The following CDK19 variants were observed in gnomAD, a reference collection of about 807,000 sequenced individuals.
CDK19 encodes cyclin-dependent kinase 19.
A neutral mutation model predicts 68.3 loss-of-function variants in CDK19; 20 were observed. The ratio of observed to expected loss-of-function variants is 0.29; its 90% CI spans 0.21 to 0.43. The LOEUF (loss-of-function observed/expected upper bound fraction) is 0.43, where lower values mean the gene tolerates loss of function less well. Ranked by LOEUF, CDK19 falls within the 20% of genes least tolerant of loss-of-function variation. The pLI, the probability that CDK19 is intolerant of heterozygous loss-of-function variation, is 1.00. For missense variants in CDK19, 339 were observed against 623.5 expected (o/e 0.54, Z 4.86); for synonymous variants, 221 against 222.8 (o/e 0.99, Z 0.07).
chr6:110,791,416 A>G (rs1019248703), intron 1 of CDK19, among the ~76,000 whole-genome samples: 9 of 152,076 alleles, frequency 5.9e-5, no homozygotes, highest in African/African-American at 2.2e-4. Context: ...AATGGTATAG[A>G]TTTTCTTTAG....
chr6:110,772,133 T>C (rs978162976), intron 1 of CDK19, among the ~76,000 whole-genome samples: 9 of 152,256 alleles, frequency 5.9e-5, no homozygotes, highest in East Asian at 1.9e-4. Context: ...CAACTTACTA[T>C]ATTAGTCCGT....
At chr6:110,704,495 G>C (rs1046339118) in intron 2 of CDK19, among the ~76,000 whole-genome samples, 3 of 151,790 alleles carry the variant, frequency 2.0e-5, no homozygotes, top group African/African-American at 7.3e-5. Flanking sequence ...TACTCTTAAT[G>C]ATCTCTCACT....
chr6:110,717,184 TA>T (rs1250499410), intron 2 of CDK19, among the ~76,000 whole-genome samples: 6 of 151,890 alleles, frequency 4.0e-5, no homozygotes, highest in Admixed American at 1.3e-4. Context: ...TGGCTTGCTT[TA>T]TTTTTTTATA....
chr6:110,788,363 GC>G (rs1781382970), intron 1 of CDK19, among the ~76,000 whole-genome samples: 2 of 151,494 alleles, frequency 1.3e-5, no homozygotes, highest in South Asian at 2.1e-4. Flanking sequence ...CCATTATGTT[GC>G]CTAGGCTGGT....
At chr6:110,748,521 A>G (rs1778230726) in intron 1 of CDK19, among the ~76,000 whole-genome samples, 1 of 152,358 alleles carries the variant, frequency 6.6e-6, no homozygotes, top group South Asian at 2.1e-4. Context: ...TACATATATC[A>G]TTACTATTTC....
At chr6:110,635,981 A>G (rs925432697) in intron 5 of CDK19, among the ~76,000 whole-genome samples, 11 of 152,266 alleles carry the variant, frequency 7.2e-5, no homozygotes, top group African/African-American at 2.7e-4. Context: ...ATTGTCCATT[A>G]GATCTTTATC....
chr6:110,729,607 T>TTA (rs1288250635), intron 2 of CDK19, among the ~76,000 whole-genome samples: 1 of 149,530 alleles, frequency 6.7e-6, no homozygotes, highest in Admixed American at 6.6e-5. Context: ...TTTTGTATTT[T>TTA]TTTTTTTTTT....
intron 8 of CDK19, 74 bp from the exon 9 acceptor site, chr6:110,623,436 G>T: frequency 6.4e-7 from 1 of 1,565,046 alleles, no homozygotes. Context: ...TAAGCTCCAG[G>T]ATTGGCTTTC....
intron 4 of CDK19, among the ~76,000 whole-genome samples, chr6:110,653,426 TGAA>T (rs1413838168): frequency 2.6e-5 from 4 of 152,188 alleles, no homozygotes; most frequent in Non-Finnish European, 4.4e-5. Context: ...CCTAAAAGGA[TGAA>T]GAAAGGATAC....
chr6:110,705,529 C>T (rs1774393936), intron 2 of CDK19, among the ~76,000 whole-genome samples: 1 of 152,052 alleles, frequency 6.6e-6, no homozygotes, highest in Admixed American at 6.6e-5. Flanking sequence ...GAAGGGCATT[C>T]AGGAGAGAGC....
chr6:110,728,107 G>A (rs1365591969), intron 2 of CDK19, among the ~76,000 whole-genome samples: 1 of 152,048 alleles, frequency 6.6e-6, no homozygotes, highest in Non-Finnish European at 1.5e-5. Context: ...GAGCAACATG[G>A]TGAAACCCTG....
intron 2 of CDK19, among the ~76,000 whole-genome samples, chr6:110,724,499 G>T (rs922290609): frequency 1.3e-5 from 2 of 152,126 alleles, no homozygotes; most frequent in African/African-American, 4.8e-5. Flanking sequence ...CGGTCTACCT[G>T]GAAAAGTTCT....
chr6:110,736,246 G>C (rs778054695), intron 2 of CDK19, among the ~76,000 whole-genome samples: 1 of 152,150 alleles, frequency 6.6e-6, no homozygotes, highest in African/African-American at 2.4e-5. Flanking sequence ...GAGGCTGAGA[G>C]AGGAGAATCG....
chr6:110,675,627 C>CAAAAA (rs57966061), intron 2 of CDK19, among the ~76,000 whole-genome samples: 11 of 56,512 alleles, frequency 1.9e-4, no homozygotes, highest in East Asian at 1.6e-3. Flanking sequence ...GACTCCATCT[C>CAAAAA]AAAAAAAAAA....
chr6:110,807,072 G>A (rs1373953471), intron 1 of CDK19, among the ~76,000 whole-genome samples: 5 of 151,904 alleles, frequency 3.3e-5, no homozygotes, highest in Admixed American at 6.6e-5. Context: ...GGTCAAGGTA[G>A]GAGGATTACT....
At chr6:110,731,667 A>G (rs1443759326) in intron 2 of CDK19, among the ~76,000 whole-genome samples, 3 of 152,206 alleles carry the variant, frequency 2.0e-5, no homozygotes, top group Non-Finnish European at 4.4e-5. Flanking sequence ...TCTCTCATGA[A>G]AGAGTCTAAC....
chr6:110,776,255 C>G (rs901898610), intron 1 of CDK19, among the ~76,000 whole-genome samples: 31 of 152,018 alleles, frequency 2.0e-4, no homozygotes, highest in Non-Finnish European at 3.4e-4. Flanking sequence ...ATGGCAAAAA[C>G]CCGCCTCTAC....
chr6:110,720,255 A>G, intron 2 of CDK19, among the ~76,000 whole-genome samples: 1 of 152,166 alleles, frequency 6.6e-6, no homozygotes, highest in Non-Finnish European at 1.5e-5. Context: ...GCAGTGATTC[A>G]AAGCCCTGAC....
chr6:110,779,451 G>A (rs992425306), intron 1 of CDK19, among the ~76,000 whole-genome samples: 1 of 152,154 alleles, frequency 6.6e-6, no homozygotes, highest in Non-Finnish European at 1.5e-5. Context: ...ATGTGGAGAT[G>A]TTTTGGTCTT....
Sources: gnomAD v4.1 joint callset for allele counts (sites outside exome capture counted in the v4.1 genomes callset) on GRCh38, gnomAD v4.1.1 for gene constraint, MANE v1.5 for transcripts, NCBI Gene and HGNC (gene_info 2026-07-23, HGNC 2026-07-21) for gene names.